SLMAP: variants seen among roughly 807,000 people sequenced by gnomAD.
SLMAP encodes sarcolemma associated protein, also known as sarcolemmal membrane-associated protein.
Under a neutral mutation model 128.8 loss-of-function variants are expected in SLMAP, and 44 were observed. The ratio of observed to expected loss-of-function variants is 0.34; its 90% CI spans 0.27 to 0.44. The LOEUF (loss-of-function observed/expected upper bound fraction) is 0.44, where lower values mean the gene tolerates loss of function less well. Among genes scored for constraint, SLMAP ranks in the 20% least tolerant of loss-of-function variants. SLMAP has a pLI of 1.00. For missense variants in SLMAP, 787 were observed against 985.3 expected, an observed-to-expected ratio of 0.80 and a Z score of 2.69; for synonymous variants, 327 against 348.8, an observed-to-expected ratio of 0.94 and a Z score of 0.70.
intron 14 of SLMAP, among the ~76,000 whole-genome samples, chr3:57,874,117 T>C (rs1483095108): frequency 1.3e-5 from 2 of 151,986 alleles, no homozygotes; most frequent in African/African-American, 2.4e-5. Context: ...AGTGAGACTG[T>C]CTCAGCAACA....
intron 2 of SLMAP, among the ~76,000 whole-genome samples, chr3:57,795,164 T>C (rs1423087904): frequency 6.6e-6 from 1 of 152,248 alleles, no homozygotes; most frequent in Non-Finnish European, 1.5e-5. Context: ...GATAATCTAA[T>C]GACTAATAAT....
chr3:57,927,269 A>G lies in SLMAP; in HGVS notation c.*7-27A>G, dbSNP rs1259657028. 2.0e-6 allele frequency: 3 copies of G among 1,525,750 alleles called. No individual in the cohort carries two copies. In the South Asian group the frequency reaches 3.5e-5, roughly 18 times the overall value. The allele number at this position is 1,525,750 out of a possible 1,614,324, so 94.5% of individuals were successfully genotyped here. A position where few individuals can be genotyped will look rare whatever the true frequency, so the allele number is the denominator to read the frequency against. ...ATGAAAAGAGAGGGGAGAATGTGAT[A>G]TTGACTCTTGGTTTCTTTCCACACA... is the stretch of plus-strand genomic sequence containing the variant. On this transcript the variant is annotated intron_variant, in intron 24 of 24. Transcript: ENST00000671191.
chr3:57,926,138 AATGCTAACC>A, intron 24 of SLMAP: 1 of 560,750 alleles, frequency 1.8e-6, no homozygotes, highest in South Asian at 2.3e-5. Flanking sequence ...ACTTTGTAGT[AATGCTAACC>A]ATGAGTTAAT....
chr3:57,906,064 A>AG (rs2096531026), intron 17 of SLMAP, among the ~76,000 whole-genome samples: 1 of 150,986 alleles, frequency 6.6e-6, no homozygotes, highest in Non-Finnish European at 1.5e-5. Flanking sequence ...AAAAAAAAAA[A>AG]AAAAAAAGAG....
At chr3:57,855,177 A>T (rs891325168) in intron 6 of SLMAP, among the ~76,000 whole-genome samples, 1 of 152,226 alleles carries the variant, frequency 6.6e-6, no homozygotes, top group South Asian at 2.1e-4. Context: ...TAGGAGTTCG[A>T]GACCAGCCTG....
In SLMAP at chr3:57,871,769, A is replaced by G. The variant is rs966464613; in HGVS notation, c.1300+71A>G. ...CTAAAACTTAAAAGTGAGAGGTAAA[A>G]TGAGGATCTCAATGTGTTTGTTATA... On this transcript the variant is annotated intron_variant, in intron 14 of 24. Transcript: ENST00000671191. The G allele has an allele frequency of 1.6e-4, 182 of 1,149,070 alleles. 1 individual carries two copies. The highest frequency in any genetic ancestry group is 2.0e-4 in the Non-Finnish European group (156 of 761,440). The allele number at this position is 1,149,070 out of a possible 1,614,324, so 71.2% of individuals were successfully genotyped here. A position where few individuals can be genotyped will look rare whatever the true frequency, so the allele number is the denominator to read the frequency against.
At chr3:57,792,591 T>G (rs562742247) in intron 2 of SLMAP, among the ~76,000 whole-genome samples, 1 of 152,276 alleles carries the variant, frequency 6.6e-6, no homozygotes, top group South Asian at 2.1e-4. Flanking sequence ...GATTTTATAT[T>G]CTATATTGTG....
chr3:57,841,465 C>A, intron 4 of SLMAP, 94 bp downstream of exon 4: 1 of 614,290 alleles, frequency 1.6e-6, no homozygotes. Flanking sequence ...CTGCTAATAC[C>A]TGCTTCAGGA....
chr3:57,812,737 G>A (rs981060051), intron 2 of SLMAP, among the ~76,000 whole-genome samples: 1 of 151,882 alleles, frequency 6.6e-6, no homozygotes, highest in Non-Finnish European at 1.5e-5. Context: ...TTTCAGTAAT[G>A]TTTTATAGTT....
At chr3:57,926,114 T>G (rs1249964109) in intron 24 of SLMAP, 180 bp downstream of exon 24, 2 of 586,892 alleles carry the variant, frequency 3.4e-6, no homozygotes, top group East Asian at 5.8e-5. Context: ...ATCCCATAAC[T>G]TTTTGTCTTG....
chr3:57,863,071 A>G (rs935344360), intron 10 of SLMAP, among the ~76,000 whole-genome samples: 2 of 152,214 alleles, frequency 1.3e-5, no homozygotes, highest in African/African-American at 4.8e-5. Flanking sequence ...TCATTAGGCC[A>G]TCTAAAAGGC....
At chr3:57,850,548 T>G (rs1457720276) in intron 6 of SLMAP, among the ~76,000 whole-genome samples, 1 of 152,154 alleles carries the variant, frequency 6.6e-6, no homozygotes. Context: ...CCTCCCAAAG[T>G]GCTGGGATTA....
At chr3:57,805,729 T>C (rs1015714355) in intron 2 of SLMAP, among the ~76,000 whole-genome samples, 2 of 152,196 alleles carry the variant, frequency 1.3e-5, no homozygotes, top group African/African-American at 4.8e-5. Flanking sequence ...TTGTACTGCA[T>C]GATATGTCCT....
chr3:57,807,913 T>C (rs1231485779), intron 2 of SLMAP, among the ~76,000 whole-genome samples: 2 of 152,204 alleles, frequency 1.3e-5, no homozygotes, highest in African/African-American at 4.8e-5. Context: ...GCTTTTTTTG[T>C]TGGATAGGCT....
chr3:57,773,135 G>C (rs1333793525), intron 2 of SLMAP, among the ~76,000 whole-genome samples: 1 of 152,220 alleles, frequency 6.6e-6, no homozygotes, highest in Non-Finnish European at 1.5e-5. Context: ...TAGCCAGTGG[G>C]TTGAGATGCC....
intron 2 of SLMAP, among the ~76,000 whole-genome samples, chr3:57,789,227 G>C (rs1185337456): frequency 6.6e-6 from 1 of 152,194 alleles, no homozygotes; most frequent in Non-Finnish European, 1.5e-5. Context: ...GATTTATTCA[G>C]GACCATTGAG....
At chr3:57,877,910 C>T (rs749771862) in intron 14 of SLMAP, among the ~76,000 whole-genome samples, 2 of 148,440 alleles carry the variant, frequency 1.3e-5, no homozygotes, top group Non-Finnish European at 3.0e-5. Flanking sequence ...TCTCGACTCA[C>T]TGCAACCTCC....
At chr3:57,806,342 T>C (rs369237869) in intron 2 of SLMAP, among the ~76,000 whole-genome samples, 113 of 152,300 alleles carry the variant, frequency 7.4e-4, no homozygotes, top group African/African-American at 2.5e-3. Flanking sequence ...CTGAGGATGA[T>C]GGCTTCCAGC....
At chr3:57,768,407 C>T (rs2080157117) in intron 2 of SLMAP, among the ~76,000 whole-genome samples, 1 of 152,064 alleles carries the variant, frequency 6.6e-6, no homozygotes, top group African/African-American at 2.4e-5. Context: ...ATACAAATAA[C>T]AGGAATACAT....
Sources: allele counts gnomAD v4.1 joint callset (sites outside exome capture counted in the v4.1 genomes callset), GRCh38; gene constraint gnomAD v4.1.1; transcripts MANE v1.5; gene names NCBI Gene and HGNC (gene_info 2026-07-23, HGNC 2026-07-21).